GABRB3: variants seen among roughly 807,000 people sequenced by gnomAD.
The protein encoded by GABRB3 is gamma-aminobutyric acid receptor subunit beta-3.
In GABRB3, 14 loss-of-function variants were observed where a neutral mutation model predicts 52.1. That is an observed-to-expected ratio of 0.27 (90% CI 0.18 to 0.42). The LOEUF is 0.42. Among genes scored for constraint, GABRB3 ranks in the 10% least tolerant of loss-of-function variants. The pLI is 1.00. For synonymous variants in GABRB3, 260 were observed against 232.3 expected (o/e 1.12, Z -1.08); for missense variants, 307 against 609.1 (o/e 0.50, Z 5.22).
intron 3 of GABRB3, among the ~76,000 whole-genome samples, chr15:26,744,665 A>T (rs1890290870): frequency 1.3e-5 from 2 of 152,154 alleles, no homozygotes; most frequent in Non-Finnish European, 2.9e-5. Flanking sequence ...ACCTCAGGTG[A>T]TCTGCCCACC....
chr15:26,701,487 A>G (rs1888935350), intron 3 of GABRB3, among the ~76,000 whole-genome samples: 1 of 152,222 alleles, frequency 6.6e-6, no homozygotes, highest in Non-Finnish European at 1.5e-5. Context: ...TACTCCTTAT[A>G]TGATAGCCTA....
chr15:26,563,494 C>T (rs1461342211), intron 7 of GABRB3, among the ~76,000 whole-genome samples: 1 of 152,188 alleles, frequency 6.6e-6, no homozygotes, highest in Non-Finnish European at 1.5e-5. Context: ...TGGTGGTCCA[C>T]AGCCTGTAAA....
chr15:26,562,337 T>G (rs1890021987), intron 7 of GABRB3, among the ~76,000 whole-genome samples: 1 of 152,210 alleles, frequency 6.6e-6, no homozygotes, highest in Admixed American at 6.5e-5. Flanking sequence ...CTGATGCCAC[T>G]GAATGTGAAG....
chr15:26,622,260 T>G (rs1292452197), intron 3 of GABRB3, among the ~76,000 whole-genome samples: 1 of 152,128 alleles, frequency 6.6e-6, no homozygotes, highest in Non-Finnish European at 1.5e-5. Flanking sequence ...TTACCAAATA[T>G]CCACGTGATG....
intron 3 of GABRB3, among the ~76,000 whole-genome samples, chr15:26,740,417 G>A (rs1428119059): frequency 5.9e-5 from 9 of 152,102 alleles, no homozygotes; most frequent in East Asian, 5.9e-4. Flanking sequence ...AAAGGATACC[G>A]CCAAGCAGAT....
At chr15:26,698,419 T>C (rs1230110103) in intron 3 of GABRB3, among the ~76,000 whole-genome samples, 1 of 152,196 alleles carries the variant, frequency 6.6e-6, no homozygotes, top group African/African-American at 2.4e-5. Context: ...CAATGGATCA[T>C]CTTGTGACCA....
intron 4 of GABRB3, among the ~76,000 whole-genome samples, chr15:26,585,990 T>C (rs1173765763): frequency 1.3e-5 from 2 of 152,128 alleles, no homozygotes; most frequent in African/African-American, 4.8e-5. Flanking sequence ...TTTAATTTTC[T>C]TTTTGTTTGT....
At chr15:26,669,630 C>T (rs73370106) in intron 3 of GABRB3, among the ~76,000 whole-genome samples, 8,333 of 152,040 alleles carry the variant, frequency 0.055, 560 homozygotes, top group African/African-American at 0.16. Flanking sequence ...CTCTCCCCAC[C>T]CCTCTCCTTT....
At chr15:26,639,568 G>A (rs947673273) in intron 3 of GABRB3, among the ~76,000 whole-genome samples, 7 of 152,156 alleles carry the variant, frequency 4.6e-5, no homozygotes, top group Non-Finnish European at 8.8e-5. Context: ...GTTTTAGTAT[G>A]CTCAAGGGGT....
chr15:26,629,282 CG>C, intron 3 of GABRB3: 3 of 995,990 alleles, frequency 3.0e-6, no homozygotes. Context: ...GTCTGTGGCT[CG>C]AGGGGCGTGG....
intron 3 of GABRB3, among the ~76,000 whole-genome samples, chr15:26,676,362 T>C (rs1253324477): frequency 1.3e-5 from 2 of 152,242 alleles, no homozygotes; most frequent in Admixed American, 1.3e-4. Flanking sequence ...CAGGGCATTG[T>C]CCATCAATCT....
rs77906483 is a variant in GABRB3 at position 26,576,197 on chromosome 15, T to C, written c.682+4122A>G. ...TTAACCTGATCCCGTAATCTGTCTG[T>C]TATGCAAGCGCTTTGCTCACGTTTT... On this transcript the variant is annotated intron_variant, in intron 6 of 8. Transcript: ENST00000311550. Among the ~76,000 whole-genome samples, 48 of 152,368 alleles carry C rather than the reference T, an allele frequency of 3.2e-4. No homozygotes were observed. In the East Asian group the frequency reaches 9.3e-3, roughly 29 times the overall value.
intron 3 of GABRB3, among the ~76,000 whole-genome samples, chr15:26,685,157 G>A (rs1379431025): frequency 9.2e-5 from 14 of 152,216 alleles, no homozygotes; most frequent in South Asian, 4.1e-4. Flanking sequence ...AATTAACCAC[G>A]GGGCTTTGGT....
intron 4 of GABRB3, among the ~76,000 whole-genome samples, chr15:26,606,734 A>G (rs1280174870): frequency 6.6e-6 from 1 of 151,616 alleles, no homozygotes; most frequent in African/African-American, 2.4e-5. Context: ...GCAATCATAT[A>G]TATCTGTCAT....
intron 6 of GABRB3, among the ~76,000 whole-genome samples, chr15:26,568,378 C>T (rs1244964046): frequency 6.6e-6 from 1 of 152,190 alleles, no homozygotes; most frequent in Non-Finnish European, 1.5e-5. Flanking sequence ...CGGATGTGAA[C>T]ATTCCACTCA....
chr15:26,640,011 C>G (rs1198247926), intron 3 of GABRB3, among the ~76,000 whole-genome samples: 1 of 152,170 alleles, frequency 6.6e-6, no homozygotes, highest in Non-Finnish European at 1.5e-5. Flanking sequence ...TAAACAAGAA[C>G]TATTAAATTA....
In GABRB3 at chr15:26,741,276, T is replaced by G. The variant is rs374661568; in HGVS notation, c.240+31126A>C. On this transcript the variant is annotated intron_variant, in intron 3 of 8. Coordinates refer to ENST00000311550, the MANE Select transcript of GABRB3 (RefSeq NM_000814.6). ...AGTTGCTTTCAGTGATTTCTACATA[T>G]TCTTCAGAGAAGAAAAAAAGGAAAA... 3.3e-5 allele frequency among the ~76,000 whole-genome samples: 5 copies of G among 152,168 alleles called. No homozygotes were observed. In the South Asian group the frequency reaches 1.0e-3, roughly 31 times the overall value.
intron 7 of GABRB3, 80 bp downstream of exon 7, chr15:26,567,501 A>C: frequency 7.1e-7 from 1 of 1,415,652 alleles, no homozygotes; most frequent in Non-Finnish European, 9.9e-7. Flanking sequence ...ATGGTAGTTG[A>C]ACTACAGCCT....
At chr15:26,702,152 CA>C (rs1310684284) in intron 3 of GABRB3, among the ~76,000 whole-genome samples, 1 of 152,086 alleles carries the variant, frequency 6.6e-6, no homozygotes, top group Non-Finnish European at 1.5e-5. Context: ...GAAATAAACA[CA>C]GGAGGAAACC....
Sources: gnomAD v4.1 joint callset for allele counts (sites outside exome capture counted in the v4.1 genomes callset) on GRCh38, gnomAD v4.1.1 for gene constraint, MANE v1.5 for transcripts, NCBI Gene and HGNC (gene_info 2026-07-23, HGNC 2026-07-21) for gene names.